MAP7D3: variants seen among roughly 807,000 people sequenced by gnomAD.
The protein encoded by MAP7D3 is MAP7 domain containing 3.
In MAP7D3, 45 loss-of-function variants were observed where a neutral mutation model predicts 62.2. That is an observed-to-expected ratio of 0.72 (90% CI 0.57 to 0.93). The LOEUF (loss-of-function observed/expected upper bound fraction) is 0.93. Ranked by LOEUF, MAP7D3 falls within the 40% of genes least tolerant of loss-of-function variation. MAP7D3 has a pLI of 0.00. For missense variants in MAP7D3, 711 were observed against 683.1 expected (o/e 1.04, Z -0.45); for synonymous variants, 288 against 248.8 (o/e 1.16, Z -1.48).
chrX:136,243,077 G>A (rs918282926), intron 4 of MAP7D3, among the ~76,000 whole-genome samples: 4 of 111,193 alleles, frequency 3.6e-5, no homozygotes, highest in Non-Finnish European at 5.7e-5. Context: ...AGGGTGCAGG[G>A]CTGGAGAGGA....
chrX:136,243,626 CG>C (rs1196829401), intron 4 of MAP7D3, among the ~76,000 whole-genome samples: 1 of 109,361 alleles, frequency 9.1e-6, no homozygotes, highest in Non-Finnish European at 1.9e-5. Flanking sequence ...TTGCTTGAAC[CG>C]GGGGGGCAGA....
At chrX:136,235,033 A>C (rs1280510926) in intron 7 of MAP7D3, among the ~76,000 whole-genome samples, 1 of 112,130 alleles carries the variant, frequency 8.9e-6, no homozygotes, top group Non-Finnish European at 1.9e-5. Context: ...GAGAAAGGCC[A>C]CAGCATACAT....
At chrX:136,216,647 G>T (rs2074066765), downstream of MAP7D3, among the ~76,000 whole-genome samples, 1 of 111,082 alleles carries the variant, frequency 9.0e-6, no homozygotes, top group African/African-American at 3.3e-5. Flanking sequence ...TATTCCAGAA[G>T]TGGAACTCTG....
At chrX:136,228,833 C>T in intron 10 of MAP7D3, 75 bp from the exon 11 acceptor site, 1 of 843,845 alleles carries the variant, frequency 1.2e-6, no homozygotes. Context: ...GCAACACAAT[C>T]CAAAACATTA....
downstream of MAP7D3, chrX:136,214,783 A>G (rs1484105211): frequency 8.9e-6 from 1 of 112,522 alleles, no homozygotes; most frequent in Admixed American, 9.4e-5. Flanking sequence ...GCTGATCTGC[A>G]GAATCTGCTG....
chrX:136,244,595 G>A (rs967862951), intron 4 of MAP7D3, 37 bp downstream of exon 4: 3 of 1,169,958 alleles, frequency 2.6e-6, no homozygotes, highest in African/African-American at 3.6e-5. Flanking sequence ...AGGCAACACA[G>A]TTTATCCTCT....
At chrX:136,224,153 C>CA (rs1161461741) in intron 14 of MAP7D3, among the ~76,000 whole-genome samples, 1 of 107,133 alleles carries the variant, frequency 9.3e-6, no homozygotes, top group Non-Finnish European at 1.9e-5. Flanking sequence ...GTAATCCTAG[C>CA]ACTTTGGGAG....
chrX:136,224,804 G>C (rs1344221588), intron 14 of MAP7D3, 23 bp downstream of exon 14: 1 of 1,112,580 alleles, frequency 9.0e-7, no homozygotes, highest in Non-Finnish European at 1.2e-6. Context: ...CTTATACACT[G>C]CTGGTAGGAG....
rs2074194232 is a variant in MAP7D3, at chrX:136,226,112, T to A, written c.2035-99A>T. ...TTTCAATGGTAAATGTTATCTAGTATAACAAAAGAGTGTAACCTTTTGAAT... is the reference window on the plus strand; with the variant it reads ...TTTCAATGGTAAATGTTATCTAGTAAAACAAAAGAGTGTAACCTTTTGAAT... On this transcript the variant is annotated intron_variant, in intron 12 of 18. Coordinates refer to ENST00000316077, the MANE Select transcript of MAP7D3 (RefSeq NM_024597.4). The A allele has an allele frequency of 5.4e-6, 3 of 552,154 alleles. No individual in the cohort carries two copies. In the Admixed American group the frequency reaches 1.1e-4, roughly 20 times the overall value. 45.5% of individuals were successfully genotyped at this position (552,154 alleles called of 1,213,427 possible). A position where few individuals can be genotyped will look rare whatever the true frequency, so the allele number is the denominator to read the frequency against.
chrX:136,239,324 A>G (rs972765681), intron 6 of MAP7D3, among the ~76,000 whole-genome samples: 5 of 112,543 alleles, frequency 4.4e-5, no homozygotes, highest in African/African-American at 1.3e-4. Context: ...TTCATAGTAG[A>G]TAACTTCACT....
chrX:136,222,538 T>C (rs758473234), intron 14 of MAP7D3, 52 bp from the exon 15 acceptor site: 2 of 996,639 alleles, frequency 2.0e-6, no homozygotes, highest in Admixed American at 4.6e-5. Context: ...ATCATCCTGG[T>C]TTAGAATTTC....
chrX:136,231,526 A>G lies in MAP7D3; in HGVS notation c.1413+18T>C, dbSNP rs780314887. 2 of 1,167,191 alleles carry G rather than the reference A, an allele frequency of 1.7e-6. No individual in the cohort carries two copies. Among genetic ancestry groups the G allele is most frequent in the Non-Finnish European group, 2.3e-6 (2 of 871,839 alleles). On this transcript the variant is annotated intron_variant, in intron 8 of 18. Coordinates refer to ENST00000316077, the MANE Select transcript of MAP7D3 (RefSeq NM_024597.4). ...ATATTTTAATAGAAAATTTGTCAAT[A>G]ACAGGCACTTGACAAACCTTTGGAG...
Position 136,228,681 on chromosome X carries a change from C to T in MAP7D3, c.1828G>A (p.Ala610Thr). 1 of 1,206,998 alleles carries T rather than the reference C, an allele frequency of 8.3e-7. No homozygotes were observed. The highest frequency in any genetic ancestry group is 1.8e-5 in the South Asian group (1 of 56,155). ...TCCTCTTTTTCTCTTTGTTCACGAGCAAGGCGGCGCAATTCTGTCAAAATT... is the reference window on the plus strand; with the variant it reads ...TCCTCTTTTTCTCTTTGTTCACGAGTAAGGCGGCGCAATTCTGTCAAAATT... ...TKILTELRRLAREQREKEEEE... is the reference protein window; with the variant it reads ...TKILTELRRLTREQREKEEEE... The change falls in exon 11 of 19, where the codon GCT (alanine) becomes ACT (threonine). Residue 610 changes from alanine to threonine, a missense_variant. By Grantham distance (58) the Ala-to-Thr change is moderately conservative (BLOSUM62 0). Transcript: ENST00000316077.
At chrX:136,239,263 G>A (rs1292288784) in intron 6 of MAP7D3, among the ~76,000 whole-genome samples, 1 of 111,680 alleles carries the variant, frequency 9.0e-6, no homozygotes, top group East Asian at 2.8e-4. Flanking sequence ...CTTTTAATAA[G>A]GAACACTAAT....
At chrX:136,243,823 G>A (rs1372866044) in intron 4 of MAP7D3, among the ~76,000 whole-genome samples, 1 of 111,703 alleles carries the variant, frequency 9.0e-6, no homozygotes, top group Non-Finnish European at 1.9e-5. Context: ...GTCAAGTAGT[G>A]AAATGACCTA....
Position 136,236,123 on chromosome X carries a change from T to G in MAP7D3, c.736+121A>C. 6.8e-6 allele frequency: 3 copies of G among 439,949 alleles called. No homozygotes were observed. In the South Asian group the frequency reaches 1.5e-4, roughly 22 times the overall value. 36.3% of individuals were successfully genotyped at this position (439,949 alleles called of 1,213,427 possible). ...AAGCATGGCACCAAAGCACATTTTT[T>G]CAGTCTAAGAAGGAATATTTTGGCT... On this transcript the variant is annotated intron_variant, in intron 7 of 18. Coordinates refer to ENST00000316077, the MANE Select transcript of MAP7D3 (RefSeq NM_024597.4).
intron 4 of MAP7D3, among the ~76,000 whole-genome samples, chrX:136,241,865 T>C (rs2074393423): frequency 2.7e-5 from 3 of 111,645 alleles, no homozygotes; most frequent in Admixed American, 9.6e-5. Flanking sequence ...ACCTCAACTT[T>C]AGCTGGTCAA....
In MAP7D3 at chrX:136,245,728, CAG is replaced by C. The variant is rs1395785883; in HGVS notation, c.253+335_253+336del. The stretch of plus-strand genomic sequence containing the variant: ...CGCCACTGAACTCCAGCTTGGGTGA[CAG>C]AGTAAGACTCCGCCTCAAAACAAAA... On this transcript the variant is annotated intron_variant, in intron 3 of 18. Coordinates refer to ENST00000316077, the MANE Select transcript of MAP7D3 (RefSeq NM_024597.4). 5.5e-5 allele frequency among the ~76,000 whole-genome samples: 6 copies of C among 109,906 alleles called. No individual in the cohort carries two copies. The South Asian group carries it at 2.4e-3, about 44-fold the overall frequency.
rs187560552 is a variant in MAP7D3 at position 136,232,453 on chromosome X, T to C, written c.737-233A>G. Among the ~76,000 whole-genome samples the C allele has an allele frequency of 1.6e-3, 177 of 112,416 alleles. 2 individuals carry two copies. Among genetic ancestry groups the C allele is most frequent in the African/African-American group, 5.4e-3 (168 of 30,981 alleles). ...TTAACAACAGTCGTTGTAAAGGCAA[T>C]AGTCTATTACAGATGAAAATAAGAT... is the stretch of plus-strand genomic sequence containing the variant. On this transcript the variant is annotated intron_variant, in intron 7 of 18. Transcript: ENST00000316077.
Sources: gnomAD v4.1 joint callset for allele counts (sites outside exome capture counted in the v4.1 genomes callset) on GRCh38, gnomAD v4.1.1 for gene constraint, MANE v1.5 for transcripts, NCBI Gene and HGNC (gene_info 2026-07-23, HGNC 2026-07-21) for gene names.